The following ADAMTS17 variants were observed in gnomAD, a reference collection of about 807,000 sequenced individuals.
ADAMTS17 encodes the protein ADAM metallopeptidase with thrombospondin type 1 motif 17.
Under a neutral mutation model 141.5 loss-of-function variants are expected in ADAMTS17, and 113 were observed. That is an observed-to-expected ratio of 0.80 (90% CI 0.69 to 0.93). The LOEUF is 0.93. Among genes scored for constraint, ADAMTS17 ranks in the 40% least tolerant of loss-of-function variants. ADAMTS17 has a pLI of 0.00. For synonymous variants in ADAMTS17, 768 were observed against 630.6 expected (o/e 1.22, Z -3.27); for missense variants, 1,659 against 1,517.9 (o/e 1.09, Z -1.54).
intron 15 of ADAMTS17, among the ~76,000 whole-genome samples, chr15:100,075,061 T>C (rs916383067): frequency 2.0e-5 from 3 of 152,190 alleles, no homozygotes; most frequent in Admixed American, 6.5e-5. Flanking sequence ...TGTTCTTCCA[T>C]AGGCCCGTAT....
chr15:100,093,362 G>A (rs1210402803), intron 15 of ADAMTS17, among the ~76,000 whole-genome samples: 1 of 152,076 alleles, frequency 6.6e-6, no homozygotes, highest in Non-Finnish European at 1.5e-5. Flanking sequence ...ATTTGATTCC[G>A]CTTTATCTTT....
intron 15 of ADAMTS17, among the ~76,000 whole-genome samples, chr15:100,074,607 T>A (rs569799716): frequency 6.6e-6 from 1 of 151,490 alleles, no homozygotes; most frequent in African/African-American, 2.4e-5. Context: ...TATTTTAATA[T>A]GCTGCTGAAT....
intron 15 of ADAMTS17, among the ~76,000 whole-genome samples, chr15:100,076,831 CTA>C (rs1331823256): frequency 2.6e-5 from 4 of 152,104 alleles, no homozygotes; most frequent in Non-Finnish European, 4.4e-5. Context: ...TGTCTCAATT[CTA>C]TGTTAGGAGT....
intron 2 of ADAMTS17, 105 bp downstream of exon 2, chr15:100,340,934 G>A (rs2046344964): frequency 1.4e-6 from 2 of 1,478,412 alleles, no homozygotes; most frequent in South Asian, 2.4e-5. Context: ...CGGTTCCCCT[G>A]GAGGCTGGAC....
chr15:100,176,837 C>T (rs2040355694), intron 8 of ADAMTS17, among the ~76,000 whole-genome samples: 1 of 152,216 alleles, frequency 6.6e-6, no homozygotes, highest in Non-Finnish European at 1.5e-5. Context: ...TGTTATTTCA[C>T]AAATGTTATA....
chr15:100,287,059 A>G (rs1454230388), intron 3 of ADAMTS17, among the ~76,000 whole-genome samples: 1 of 152,150 alleles, frequency 6.6e-6, no homozygotes. Flanking sequence ...GTGGTGGCAC[A>G]CACCTGTAGT....
chr15:100,336,828 G>GTCGT (rs1457450884), intron 2 of ADAMTS17, among the ~76,000 whole-genome samples: 2 of 152,190 alleles, frequency 1.3e-5, no homozygotes, highest in Non-Finnish European at 2.9e-5. Flanking sequence ...CATCACAGGA[G>GTCGT]TCGTACACGT....
intron 18 of ADAMTS17, among the ~76,000 whole-genome samples, chr15:100,047,666 C>T (rs2031815477): frequency 6.6e-6 from 1 of 152,158 alleles, no homozygotes; most frequent in African/African-American, 2.4e-5. Flanking sequence ...CTGACCTCTC[C>T]TCCTCCATCG....
rs141599676 is a variant in ADAMTS17 at position 100,321,249 on chromosome 15, T to C, written c.616+9640A>G. On this transcript the variant is annotated intron_variant, in intron 3 of 21. Transcript: ENST00000268070. ...TGGAAGAGAGAAGGGGAAATTTTTTTTAAAAGTTGGTCAAGCCAATAGAAA... is the reference window on the plus strand; with the variant it reads ...TGGAAGAGAGAAGGGGAAATTTTTTCTAAAAGTTGGTCAAGCCAATAGAAA... Among the ~76,000 whole-genome samples the C allele has an allele frequency of 4.9e-3, 743 of 152,222 alleles. 5 individuals are homozygous for C. The highest frequency in any genetic ancestry group is 0.035 in the South Asian group (170 of 4,820).
intron 3 of ADAMTS17, among the ~76,000 whole-genome samples, chr15:100,326,421 G>A (rs1036864878): frequency 6.6e-6 from 1 of 152,140 alleles, no homozygotes; most frequent in African/African-American, 2.4e-5. Flanking sequence ...AATTTCAGAG[G>A]GATTGGCCCT....
chr15:100,339,518 G>C (rs2046300898), intron 2 of ADAMTS17, among the ~76,000 whole-genome samples: 1 of 152,054 alleles, frequency 6.6e-6, no homozygotes, highest in African/African-American at 2.4e-5. Context: ...GAGCCCTACA[G>C]TGATCTGAGC....
At chr15:100,001,004 C>T (rs1323048394) in intron 18 of ADAMTS17, among the ~76,000 whole-genome samples, 5 of 152,148 alleles carry the variant, frequency 3.3e-5, no homozygotes, top group African/African-American at 9.7e-5. Context: ...GGCTCCAGGA[C>T]ATAGACCTTA....
chr15:100,289,489 G>C (rs966962220), intron 3 of ADAMTS17, among the ~76,000 whole-genome samples: 1 of 151,604 alleles, frequency 6.6e-6, no homozygotes, highest in African/African-American at 2.4e-5. Flanking sequence ...CATTCTATAT[G>C]GTCAGCATCA....
At chr15:100,164,424 G>C (rs1012696297) in intron 8 of ADAMTS17, among the ~76,000 whole-genome samples, 2 of 152,166 alleles carry the variant, frequency 1.3e-5, no homozygotes, top group African/African-American at 4.8e-5. Context: ...AGTATTTGTT[G>C]AACGCCTTCT....
At chr15:100,173,776 G>A (rs548776413) in intron 8 of ADAMTS17, among the ~76,000 whole-genome samples, 2 of 152,068 alleles carry the variant, frequency 1.3e-5, no homozygotes, top group Non-Finnish European at 2.9e-5. Context: ...CAATATCTGC[G>A]GCCCACCTCA....
intron 3 of ADAMTS17, among the ~76,000 whole-genome samples, chr15:100,295,935 A>C (rs2044793976): frequency 6.6e-6 from 1 of 152,198 alleles, no homozygotes; most frequent in Non-Finnish European, 1.5e-5. Context: ...TCCACACTAC[A>C]GAATGCTGCC....
At chr15:100,064,575 C>G (rs367971192) in intron 15 of ADAMTS17, among the ~76,000 whole-genome samples, 2 of 152,146 alleles carry the variant, frequency 1.3e-5, no homozygotes, top group East Asian at 1.9e-4. Flanking sequence ...TACCCTATGA[C>G]GAAACTACAG....
intron 4 of ADAMTS17, among the ~76,000 whole-genome samples, chr15:100,275,270 T>TGGAG (rs2044042340): frequency 6.6e-6 from 1 of 152,164 alleles, no homozygotes. Flanking sequence ...AGATGGGTCC[T>TGGAG]GGCCACACAG....
At chr15:100,104,098 A>C (rs2036281610) in intron 14 of ADAMTS17, among the ~76,000 whole-genome samples, 3 of 152,220 alleles carry the variant, frequency 2.0e-5, no homozygotes, top group African/African-American at 7.2e-5. Flanking sequence ...TAAGGCAAGC[A>C]TAGCTGGGTC....
Sources: gnomAD v4.1 joint callset for allele counts (sites outside exome capture counted in the v4.1 genomes callset) on GRCh38, gnomAD v4.1.1 for gene constraint, MANE v1.5 for transcripts, NCBI Gene and HGNC (gene_info 2026-07-23, HGNC 2026-07-21) for gene names.